Variants in COL12A1 observed in about 807,000 individuals in gnomAD.
COL12A1 encodes collagen alpha-1(XII) chain.
Under a neutral mutation model 349.7 loss-of-function variants are expected in COL12A1, and 114 were observed. The observed-to-expected ratio is 0.33, with a 90% CI of 0.28 to 0.38. The LOEUF (loss-of-function observed/expected upper bound fraction) is 0.38, where lower values mean the gene tolerates loss of function less well. Among genes scored for constraint, COL12A1 ranks in the 10% least tolerant of loss-of-function variants. The pLI, the probability that COL12A1 is intolerant of heterozygous loss-of-function variation, is 1.00. For missense variants in COL12A1, 3,284 were observed against 3,756.9 expected (o/e 0.87, Z 3.29); for synonymous variants, 1,369 against 1,329.0 (o/e 1.03, Z -0.66).
chr6:75,148,494 T>C lies in COL12A1; in HGVS notation c.4151A>G (p.Asp1384Gly). ...AACTAAGTTAGAAGGTGCTTCCAAA[T>C]CACCTACACATGGAAATAAAGGGTA... is the stretch of plus-strand genomic sequence containing the variant. The part of the protein sequence containing the change: ...NLCNSVKGPG[D>G]LEAPSNLVIS... Residue 1384 changes from aspartate to glycine, a missense_variant, in exon 22 of 66, where the codon GAT becomes GGT. By Grantham distance (94) the Asp-to-Gly change is moderately conservative. Transcript: ENST00000322507. 1 of 1,612,404 alleles carries C rather than the reference T, an allele frequency of 6.2e-7. No individual in the cohort carries two copies. The highest frequency in any genetic ancestry group is 8.5e-7 in the Non-Finnish European group (1 of 1,178,990).
chr6:75,087,433 C>T (rs140011165), intron 65 of COL12A1, 144 bp downstream of exon 65: 1 of 725,638 alleles, frequency 1.4e-6, no homozygotes, highest in South Asian at 2.0e-5. Context: ...TGATAGCAAA[C>T]ACTATTATTA....
intron 49 of COL12A1, among the ~76,000 whole-genome samples, chr6:75,114,103 A>C (rs1271356480): frequency 6.6e-6 from 1 of 151,908 alleles, no homozygotes; most frequent in African/African-American, 2.4e-5. Flanking sequence ...ATTATATGAT[A>C]ATTTTAGAAT....
intron 59 of COL12A1, among the ~76,000 whole-genome samples, chr6:75,096,485 A>C (rs1038413654): frequency 2.0e-5 from 3 of 152,234 alleles, no homozygotes; most frequent in African/African-American, 7.2e-5. Context: ...TATTTTCCCA[A>C]TATCTTACGT....
chr6:75,109,456 T>C (rs1157747495), intron 51 of COL12A1, among the ~76,000 whole-genome samples: 4 of 152,120 alleles, frequency 2.6e-5, no homozygotes, highest in Non-Finnish European at 5.9e-5. Context: ...CCAGAGAGGA[T>C]ATAGTAGATG....
intron 27 of COL12A1, among the ~76,000 whole-genome samples, chr6:75,140,943 C>G (rs1004758787): frequency 1.3e-5 from 2 of 152,120 alleles, no homozygotes; most frequent in Non-Finnish European, 2.9e-5. Flanking sequence ...TTGAGATGTG[C>G]TCTAAGTGTA....
At chr6:75,186,421 C>A (rs1423287006) in intron 8 of COL12A1, among the ~76,000 whole-genome samples, 2 of 152,126 alleles carry the variant, frequency 1.3e-5, no homozygotes, top group Non-Finnish European at 2.9e-5. Flanking sequence ...CAATGAGACA[C>A]CATCTCACAC....
At chr6:75,092,364 TA>T (rs1299566078) in intron 60 of COL12A1, among the ~76,000 whole-genome samples, 9 of 151,934 alleles carry the variant, frequency 5.9e-5, no homozygotes, top group East Asian at 5.8e-4. Context: ...ATTCTACAAT[TA>T]AAAAAAAGAA....
chr6:75,113,626 G>A lies in COL12A1; in HGVS notation c.7816C>T (p.Pro2606Ser), dbSNP rs994920789. ...CGATCTGCAATCACTCCAACTTGTG[G>A]TTTGTAGTCTCTGTCTGTGATTTGC... ...IWQITDRDYKPQVGVIADPSS... is the reference protein window; with the variant it reads ...IWQITDRDYKSQVGVIADPSS... Residue 2606 changes from proline to serine, a missense_variant, in exon 50 of 66, where the codon CCA (proline) becomes TCA (serine). This residue lies in a region of COL12A1 where 683 missense variants were observed against 932.1 expected (regional missense o/e 0.73). Transcript: ENST00000322507. 1.9e-6 allele frequency: 3 copies of A among 1,609,422 alleles called. No homozygotes were observed. The highest frequency in any genetic ancestry group is 2.2e-5 in the East Asian group (1 of 44,782).
At position 75,089,117 on chromosome 6, in the gene COL12A1, G is replaced by T; in HGVS notation, c.8999C>A (p.Pro3000His). Residue 3000 changes from proline (P) to histidine (H), a missense_variant, in exon 64 of 66, where the codon CCT becomes CAT. Coordinates refer to ENST00000322507, the MANE Select transcript of COL12A1 (RefSeq NM_004370.6). ...GTGSSGPRGL[P>H]GPPGPQGESR... is the part of the protein sequence containing the mutation. ...ACTAGCAAACCTACCTGGGGGGCCA[G>T]GCAGCCCCCGAGGTCCTGAAGATCC... is the stretch of plus-strand genomic sequence containing the variant. 6.2e-7 allele frequency: 1 copy of T among 1,610,370 alleles called. No homozygotes were observed.
At chr6:75,151,592 G>A (rs143367568) in intron 20 of COL12A1, among the ~76,000 whole-genome samples, 156 of 151,948 alleles carry the variant, frequency 1.0e-3, no homozygotes, top group African/African-American at 3.5e-3. Context: ...AAATAAACAC[G>A]GTTCTGTGGA....
chr6:75,132,126 A>G (rs577469017), intron 34 of COL12A1, 44 bp from the exon 35 acceptor site: 4 of 1,603,760 alleles, frequency 2.5e-6, no homozygotes, highest in African/African-American at 2.7e-5. Flanking sequence ...GTCTGTTTAT[A>G]TATCTCAAGC....
chr6:75,098,600 AGTGAGCT>A (rs1394317237), intron 58 of COL12A1, among the ~76,000 whole-genome samples: 1 of 152,164 alleles, frequency 6.6e-6, no homozygotes, highest in Non-Finnish European at 1.5e-5. Flanking sequence ...TCAGGGCTGC[AGTGAGCT>A]GTGATCGCAC....
intron 23 of COL12A1, 31 bp downstream of exon 23, chr6:75,147,644 C>A (rs769931122): frequency 6.4e-7 from 1 of 1,567,834 alleles, no homozygotes; most frequent in Non-Finnish European, 8.6e-7. Context: ...GAAAAGAAAG[C>A]AATGAGAAAC....
intron 14 of COL12A1, among the ~76,000 whole-genome samples, chr6:75,162,174 A>G (rs573698759): frequency 1.6e-4 from 24 of 152,318 alleles, no homozygotes; most frequent in African/African-American, 5.5e-4. Flanking sequence ...TGGAACCAAA[A>G]AAGAGTCCAC....
At chr6:75,106,952 A>T (rs1219251765) in intron 52 of COL12A1, among the ~76,000 whole-genome samples, 1 of 120,748 alleles carries the variant, frequency 8.3e-6, no homozygotes, top group African/African-American at 3.3e-5. Flanking sequence ...CCCAGGTAGG[A>T]GTACAGTGGT....
intron 56 of COL12A1, 29 bp from the exon 57 acceptor site, chr6:75,102,081 C>A: frequency 6.2e-7 from 1 of 1,609,244 alleles, no homozygotes; most frequent in Non-Finnish European, 8.5e-7. Flanking sequence ...AAACAGTTCT[C>A]AGGCGTTTCA....
At chr6:75,091,587 T>G in intron 60 of COL12A1, 62 bp from the exon 61 acceptor site, 9 of 1,480,096 alleles carry the variant, frequency 6.1e-6, no homozygotes, top group Non-Finnish European at 8.4e-6. Context: ...GATGCATGAA[T>G]AGACATAATG....
intron 13 of COL12A1, 85 bp from the exon 14 acceptor site, chr6:75,165,864 C>G: frequency 7.5e-7 from 1 of 1,331,576 alleles, no homozygotes; most frequent in Non-Finnish European, 1.0e-6. Flanking sequence ...GGTAGAGATT[C>G]TGACTTGCTG....
intron 2 of COL12A1, among the ~76,000 whole-genome samples, chr6:75,202,032 G>A (rs116681704): frequency 6.6e-6 from 1 of 152,200 alleles, no homozygotes; most frequent in Non-Finnish European, 1.5e-5. Flanking sequence ...CCTTGGCCCA[G>A]GCTCAACCTG....
Sources: gnomAD v4.1 joint callset for allele counts (sites outside exome capture counted in the v4.1 genomes callset) on GRCh38, gnomAD v4.1.1 for gene constraint, gnomAD v4.1.1 regional missense constraint, MANE v1.5 for transcripts, NCBI Gene and HGNC (gene_info 2026-07-23, HGNC 2026-07-21) for gene names.